Variants in CNNM2 observed in about 807,000 individuals in gnomAD.
The protein encoded by CNNM2 is cyclin and CBS domain divalent metal cation transport mediator 2.
CNNM2 carries 12 observed loss-of-function variants against 66.9 expected under a neutral mutation model. The ratio of observed to expected loss-of-function variants is 0.18; its 90% CI spans 0.11 to 0.29. The LOEUF (loss-of-function observed/expected upper bound fraction) is 0.29, where lower values mean the gene tolerates loss of function less well. Ranked by LOEUF, CNNM2 falls within the 10% of genes least tolerant of loss-of-function variation. CNNM2 has a pLI of 1.00. For missense variants in CNNM2, 705 were observed against 1,167.7 expected (o/e 0.60, Z 5.77); for synonymous variants, 557 against 501.8 (o/e 1.11, Z -1.47).
rs749812341 is a variant in CNNM2 at position 102,918,897 on chromosome 10, G to A, written c.417G>A (p.Ala139=). The part of the protein sequence containing the change: ...SPGERGLGGP[A]PPEPDSGPQR... ...GGGAGCGCGGGCTGGGGGGCCCCGC[G>A]CCGCCAGAGCCGGACAGCGGCCCCC... Residue 139 remains alanine, a synonymous_variant, in exon 1 of 8, where the codon GCG becomes GCA. Coordinates refer to ENST00000369878, the MANE Select transcript of CNNM2 (RefSeq NM_017649.5). The surrounding 1 kb of genome is among the most constrained non-coding windows in gnomAD (Gnocchi z 4.1). The A allele has an allele frequency of 1.2e-6, 2 of 1,610,100 alleles. No individual in the cohort carries two copies. Among genetic ancestry groups the A allele is most frequent in the Non-Finnish European group, 1.7e-6 (2 of 1,178,282 alleles).
chr10:102,969,445 C>T (rs2063516678), intron 1 of CNNM2, among the ~76,000 whole-genome samples: 1 of 151,882 alleles, frequency 6.6e-6, no homozygotes. Flanking sequence ...AACTCGTGAC[C>T]TTGTGATTTG....
chr10:102,965,138 A>G (rs2063442794), intron 1 of CNNM2, among the ~76,000 whole-genome samples: 1 of 152,140 alleles, frequency 6.6e-6, no homozygotes. Flanking sequence ...TTCTTTACAA[A>G]TTACCCATTC....
chr10:103,027,683 A>G (rs1361540199), intron 1 of CNNM2, among the ~76,000 whole-genome samples: 1 of 152,222 alleles, frequency 6.6e-6, no homozygotes, highest in Non-Finnish European at 1.5e-5. Flanking sequence ...TATAATTCCA[A>G]TAATCCCAAG....
At chr10:102,926,160 G>A (rs940240170) in intron 1 of CNNM2, among the ~76,000 whole-genome samples, 7 of 152,220 alleles carry the variant, frequency 4.6e-5, no homozygotes, top group East Asian at 3.9e-4. Flanking sequence ...TGTCCTATTC[G>A]TGCATTTGTG....
At chr10:103,019,078 G>A (rs1466385156) in intron 1 of CNNM2, among the ~76,000 whole-genome samples, 1 of 151,560 alleles carries the variant, frequency 6.6e-6, no homozygotes, top group Non-Finnish European at 1.5e-5. Context: ...GACCAGCCTG[G>A]GCAGCACGGC....
intron 1 of CNNM2, among the ~76,000 whole-genome samples, chr10:103,009,636 G>A (rs1393155458): frequency 7.5e-6 from 1 of 132,906 alleles, no homozygotes; most frequent in African/African-American, 2.9e-5. Context: ...AGGCTGCAGT[G>A]AGCCATGATC....
intron 1 of CNNM2, among the ~76,000 whole-genome samples, chr10:103,047,285 C>T (rs1203140790): frequency 1.3e-5 from 2 of 152,154 alleles, no homozygotes; most frequent in African/African-American, 4.8e-5. Flanking sequence ...GGTGAAACAT[C>T]AGACAAGCTC....
intron 4 of CNNM2, among the ~76,000 whole-genome samples, chr10:103,058,708 T>C (rs2065334871): frequency 6.6e-6 from 1 of 152,214 alleles, no homozygotes. Context: ...GATAATGCCA[T>C]GGGGGTTTTA....
At position 102,924,917 on chromosome 10, in the gene CNNM2, A is replaced by C. The variant is rs951884386; in HGVS notation, c.1621+4816A>C. 2.6e-5 allele frequency among the ~76,000 whole-genome samples: 4 copies of C among 152,222 alleles called. 1 individual carries two copies. Among genetic ancestry groups the C allele is most frequent in the Non-Finnish European group, 5.9e-5 (4 of 68,048 alleles). Reference sequence around the variant, plus strand: ...TGTGTTTTTAGAACACTATTATGAAATATCCAGATAATACAGAATCAGAGC... The same window carrying C: ...TGTGTTTTTAGAACACTATTATGAACTATCCAGATAATACAGAATCAGAGC... On this transcript the variant is annotated intron_variant, in intron 1 of 7. Transcript: ENST00000369878.
At position 103,080,208 on chromosome 10, in the gene CNNM2, G is replaced by A. The variant is rs1178632209; in HGVS notation, c.*3028G>A. ...CACCCTCCTTTACGGGGCCTCTCTGGGTGGGACAGAGCCTCACCTGCTCCT... is the reference window on the plus strand; with the variant it reads ...CACCCTCCTTTACGGGGCCTCTCTGAGTGGGACAGAGCCTCACCTGCTCCT... On this transcript the variant is annotated 3_prime_UTR_variant, in exon 8 of 8. Coordinates refer to ENST00000369878, the MANE Select transcript of CNNM2 (RefSeq NM_017649.5). 1 of 152,204 alleles carries A rather than the reference G, an allele frequency of 6.6e-6. No individual in the cohort carries two copies. Among genetic ancestry groups the A allele is most frequent in the African/African-American group, 2.4e-5 (1 of 41,406 alleles). The allele number at this position is 152,204 out of a possible 1,614,324, so 9.4% of individuals were successfully genotyped here. A position where few individuals can be genotyped will look rare whatever the true frequency, so the allele number is the denominator to read the frequency against.
rs1297017080 is a variant in CNNM2, at chr10:102,919,551, G to A, written c.1071G>A (p.Glu357=). The A allele has an allele frequency of 1.2e-6, 2 of 1,613,462 alleles. No homozygotes were observed. Among genetic ancestry groups the A allele is most frequent in the Non-Finnish European group, 1.7e-6 (2 of 1,180,040 alleles). Reference sequence around the variant, plus strand: ...CCATCGGTATCGTCATCTTCGGAGAGATCGTGCCCCAGGCCATCTGCTCCC... The same window carrying A: ...CCATCGGTATCGTCATCTTCGGAGAAATCGTGCCCCAGGCCATCTGCTCCC... ...VSTIGIVIFG[E]IVPQAICSRH... is the part of the protein sequence containing the mutation. The change falls in exon 1 of 8, where the codon GAG becomes GAA. Residue 357 remains glutamate (E), a synonymous_variant. Transcript: ENST00000369878.
In CNNM2 at chr10:102,988,237, G is replaced by A. The variant is rs5016309; in HGVS notation, c.1622-61470G>A. 0.31 allele frequency among the ~76,000 whole-genome samples: 46,925 copies of A among 151,956 alleles called. 7,404 individuals carry two copies. Among genetic ancestry groups the A allele is most frequent in the Middle Eastern group, 0.37 (109 of 294 alleles). Reference sequence around the variant, plus strand: ...GAATCACTTGAACCTGGGAGGCGGAGGTTGCAGTGAGCCGGGATTGCACCT... The same window carrying A: ...GAATCACTTGAACCTGGGAGGCGGAAGTTGCAGTGAGCCGGGATTGCACCT... On this transcript the variant is annotated intron_variant, in intron 1 of 7. Transcript: ENST00000369878.
At chr10:103,067,594 C>A (rs1414939720) in intron 4 of CNNM2, among the ~76,000 whole-genome samples, 1 of 152,182 alleles carries the variant, frequency 6.6e-6, no homozygotes, top group Admixed American at 6.5e-5. Flanking sequence ...GGAACAAGAG[C>A]ATTTCTGACC....
At chr10:102,999,219 C>A (rs904399024) in intron 1 of CNNM2, among the ~76,000 whole-genome samples, 1 of 150,928 alleles carries the variant, frequency 6.6e-6, no homozygotes, top group Non-Finnish European at 1.5e-5. Flanking sequence ...TACAGGTGCC[C>A]GTCACCCTGC....
In CNNM2 at chr10:102,992,273, C is replaced by CTTTTTTTTTTTTTTTTTTTTTT. The variant is rs35281835; in HGVS notation, c.1622-57416_1622-57415insTTTTTTTTTTTTTTTTTTTTTT. Among the ~76,000 whole-genome samples the CTTTTTTTTTTTTTTTTTTTTTT allele has an allele frequency of 6.5e-5, 7 of 108,490 alleles. No individual in the cohort carries two copies. The highest frequency in any genetic ancestry group is 7.4e-5 in the Non-Finnish European group (4 of 54,316). 71.2% of individuals were successfully genotyped at this position (108,490 alleles called of 152,430 possible). ...TTTACTGGGAGCAAGCTCCAAGTTCCTTTTTTTTTTTTTTTTTTGAGATGC... is the reference window on the plus strand; with the variant it reads ...TTTACTGGGAGCAAGCTCCAAGTTCCTTTTTTTTTTTTTTTTTTTTTTTTTTTTTTTTTTTTTTTTGAGATGC... On this transcript the variant is annotated intron_variant, in intron 1 of 7. Coordinates refer to ENST00000369878, the MANE Select transcript of CNNM2 (RefSeq NM_017649.5).
chr10:102,985,666 A>C (rs992401738), intron 1 of CNNM2, among the ~76,000 whole-genome samples: 3 of 152,228 alleles, frequency 2.0e-5, no homozygotes, highest in African/African-American at 7.2e-5. Flanking sequence ...CCTAGGGGCT[A>C]GATAAGTACT....
At chr10:103,044,365 G>C (rs1407575434) in intron 1 of CNNM2, among the ~76,000 whole-genome samples, 2 of 152,072 alleles carry the variant, frequency 1.3e-5, no homozygotes, top group Admixed American at 1.3e-4. Context: ...AGACCAGCCT[G>C]AGCAATATAG....
In CNNM2 at chr10:103,071,785, C is replaced by G. The variant is rs1415338887; in HGVS notation, c.2179C>G (p.Leu727Val). The G allele has an allele frequency of 6.2e-7, 1 of 1,613,904 alleles. No homozygotes were observed. Among genetic ancestry groups the G allele is most frequent in the Non-Finnish European group, 8.5e-7 (1 of 1,179,836 alleles). The change falls in exon 6 of 8, where the codon CTG becomes GTG. Residue 727 changes from leucine to valine, a missense_variant. Physicochemically the swap from Leu to Val is conservative, Grantham distance 32. Transcript: ENST00000369878. ...ALTASPVPLS[L>V]SRTFVVSRTE... ...TCTCCATTTTTCAGTTCCTTTGTCC[C>G]TGTCTCGTACCTTTGTTGTCAGCAG...
At position 103,077,077 on chromosome 10, in the gene CNNM2, T is replaced by C. The variant is rs2065704586; in HGVS notation, c.2525T>C (p.Leu842Pro). 2.5e-6 allele frequency: 4 copies of C among 1,614,024 alleles called. No homozygotes were observed. The highest frequency in any genetic ancestry group is 3.4e-6 in the Non-Finnish European group (4 of 1,179,904). The stretch of plus-strand genomic sequence containing the variant: ...AAAATCGAATTGACTCTTACGGAGC[T>C]GCATGACGGGTTGCCAGACGAGACA... ...NTKIELTLTE[L>P]HDGLPDETAN... is the part of the protein sequence containing the mutation. Residue 842 changes from leucine (L) to proline (P), a missense_variant, in exon 8 of 8, where the codon CTG becomes CCG. Around this residue, in one of 9 missense-constraint regions of CNNM2, gnomAD observed 194 missense variants for 227.6 expected, o/e 0.85. Transcript: ENST00000369878.
Sources: gnomAD v4.1 joint callset for allele counts (sites outside exome capture counted in the v4.1 genomes callset) on GRCh38, gnomAD v4.1.1 for gene constraint, gnomAD v4.1.1 regional missense constraint, Gnocchi (gnomAD v3.1) non-coding constraint, MANE v1.5 for transcripts, NCBI Gene and HGNC (gene_info 2026-07-23, HGNC 2026-07-21) for gene names.